The following BARD1 variants were observed in gnomAD, a reference collection of about 807,000 sequenced individuals.
The protein encoded by BARD1 is BRCA1 associated RING domain 1.
BARD1 carries 73 observed loss-of-function variants against 77.0 expected under a neutral mutation model. That is an observed-to-expected ratio of 0.95 (90% CI 0.79 to 1.15). The LOEUF (loss-of-function observed/expected upper bound fraction) is 1.15. BARD1 is among the 50% of genes most tolerant of loss of function. The pLI, the probability that BARD1 is intolerant of heterozygous loss-of-function variation, is 0.00. For missense variants in BARD1, 993 were observed against 938.8 expected, an observed-to-expected ratio of 1.06 and a Z score of -0.75; for synonymous variants, 384 against 338.0, an observed-to-expected ratio of 1.14 and a Z score of -1.49.
At chr2:214,774,373 G>A (rs1694650044) in intron 4 of BARD1, among the ~76,000 whole-genome samples, 1 of 152,176 alleles carries the variant, frequency 6.6e-6, no homozygotes. Flanking sequence ...TAAGTAACAA[G>A]ACTTGAAAGT....
intron 1 of BARD1, among the ~76,000 whole-genome samples, chr2:214,803,348 C>T (rs1200206134): frequency 6.6e-6 from 1 of 152,182 alleles, no homozygotes; most frequent in African/African-American, 2.4e-5. Context: ...GAAGGCAAGC[C>T]TCTTGCAGTT....
At chr2:214,734,558 A>G (rs1357446072) in intron 9 of BARD1, among the ~76,000 whole-genome samples, 2 of 152,116 alleles carry the variant, frequency 1.3e-5, no homozygotes, top group African/African-American at 2.4e-5. Context: ...TATTCATCCA[A>G]TGAGCAAAAT....
At position 214,730,436 on chromosome 2, in the gene BARD1, C is replaced by G. The variant is rs1559373888; in HGVS notation, c.1976G>C (p.Arg659Thr). The change falls in exon 10 of 11, where the codon AGA becomes ACA. Residue 659 changes from arginine to threonine, a missense_variant. Coordinates refer to ENST00000260947, the MANE Select transcript of BARD1 (RefSeq NM_000465.4). ...EKYEIPEGPR[R>T]SRLNREQLLP... ...CAGCTGTTCTCTGTTGAGCCTGCTTCTGCGTGGACCTTCAGGAATTTCATA... is the reference window on the plus strand; with the variant it reads ...CAGCTGTTCTCTGTTGAGCCTGCTTGTGCGTGGACCTTCAGGAATTTCATA... 1 of 1,613,818 alleles carries G rather than the reference C, an allele frequency of 6.2e-7. No individual in the cohort carries two copies.
intron 9 of BARD1, among the ~76,000 whole-genome samples, chr2:214,739,684 A>C (rs1692725363): frequency 6.6e-6 from 1 of 152,160 alleles, no homozygotes; most frequent in African/African-American, 2.4e-5. Flanking sequence ...ATAAAGGCTG[A>C]AAATATAAAA....
intron 1 of BARD1, among the ~76,000 whole-genome samples, chr2:214,808,388 G>T (rs977921820): frequency 6.6e-6 from 1 of 152,234 alleles, no homozygotes; most frequent in African/African-American, 2.4e-5. Flanking sequence ...CAGCCTGGGC[G>T]ACAGAGCGAG....
intron 3 of BARD1, 142 bp downstream of exon 3, chr2:214,792,150 TAAAAA>T (rs536345234): frequency 8.8e-6 from 5 of 569,320 alleles, no homozygotes; most frequent in Non-Finnish European, 1.3e-5. Context: ...AATGGCTATT[TAAAAA>T]AAAAAAAAAA....
intron 1 of BARD1, among the ~76,000 whole-genome samples, chr2:214,803,715 C>T (rs1197053292): frequency 6.6e-6 from 1 of 152,164 alleles, no homozygotes; most frequent in Non-Finnish European, 1.5e-5. Context: ...GCGGGATCCT[C>T]CATATGCTGA....
At chr2:214,806,498 T>G (rs570246964) in intron 1 of BARD1, among the ~76,000 whole-genome samples, 2 of 152,320 alleles carry the variant, frequency 1.3e-5, no homozygotes, top group East Asian at 3.9e-4. Flanking sequence ...AAGGTGCAGC[T>G]GGCCATGCTT....
chr2:214,728,556 TCAAAGAC>T lies in BARD1; in HGVS notation c.*113_*119del. 1 of 900,552 alleles carries T rather than the reference TCAAAGAC, an allele frequency of 1.1e-6. No homozygotes were observed. The highest frequency in any genetic ancestry group is 1.8e-5 in the African/African-American group (1 of 56,996). The allele number at this position is 900,552 out of a possible 1,614,324, so 55.8% of individuals were successfully genotyped here. ...ATTAGACTTTTTTTTTTTTTTTGAT[TCAAAGAC>T]AAATATGAATGACTCTACCTATTTG... is the stretch of plus-strand genomic sequence containing the variant. On this transcript the variant is annotated 3_prime_UTR_variant, in exon 11 of 11. Transcript: ENST00000260947.
chr2:214,745,900 T>G, intron 7 of BARD1, 46 bp from the exon 8 acceptor site: 1 of 1,603,334 alleles, frequency 6.2e-7, no homozygotes, highest in Middle Eastern at 1.7e-4. Flanking sequence ...ATTAGACGAC[T>G]AGACAAAGAC....
At chr2:214,741,146 C>T (rs1200788964) in intron 9 of BARD1, among the ~76,000 whole-genome samples, 1 of 152,116 alleles carries the variant, frequency 6.6e-6, no homozygotes, top group Non-Finnish European at 1.5e-5. Context: ...CCTTCCCCAT[C>T]TCACAGACAT....
At chr2:214,777,554 C>T (rs1363465700) in intron 4 of BARD1, among the ~76,000 whole-genome samples, 2 of 152,190 alleles carry the variant, frequency 1.3e-5, no homozygotes, top group Non-Finnish European at 2.9e-5. Context: ...AACTTTAGGC[C>T]ACTTGAAATC....
chr2:214,746,354 C>A (rs1693115033), intron 7 of BARD1, among the ~76,000 whole-genome samples: 1 of 152,072 alleles, frequency 6.6e-6, no homozygotes, highest in Admixed American at 6.6e-5. Flanking sequence ...CCCCTCAAAA[C>A]TAGGAAAAGA....
In BARD1 at chr2:214,792,371, A is replaced by C. The variant is rs878854009; in HGVS notation, c.290T>G (p.Ile97Arg). ...YTPAWIQDLK[I>R]NRQLDSMIQL... is the part of the protein sequence containing the mutation. ...AATCATGCTGTCCAGTTGTCTATTT[A>C]TCTTCAAGTCTTGTATCCAGGCCGG... is the stretch of plus-strand genomic sequence containing the variant. Residue 97 changes from isoleucine (I) to arginine (R), a missense_variant, in exon 3 of 11, where the codon ATA becomes AGA. Coordinates refer to ENST00000260947, the MANE Select transcript of BARD1 (RefSeq NM_000465.4). 1.2e-6 allele frequency: 2 copies of C among 1,613,094 alleles called. No homozygotes were observed. Among genetic ancestry groups the C allele is most frequent in the Non-Finnish European group, 1.7e-6 (2 of 1,179,692 alleles).
chr2:214,743,045 T>C (rs950207229), intron 9 of BARD1, among the ~76,000 whole-genome samples: 2 of 152,216 alleles, frequency 1.3e-5, no homozygotes, highest in Non-Finnish European at 2.9e-5. Context: ...CAATTACTTA[T>C]ACTTCTCAAA....
intron 1 of BARD1, among the ~76,000 whole-genome samples, chr2:214,801,772 C>A (rs1489595849): frequency 1.5e-5 from 2 of 137,678 alleles, no homozygotes; most frequent in African/African-American, 5.3e-5. Context: ...AAAAGATGTA[C>A]AAAATGCTCT....
At chr2:214,750,117 C>G (rs1693336327) in intron 7 of BARD1, among the ~76,000 whole-genome samples, 2 of 152,086 alleles carry the variant, frequency 1.3e-5, no homozygotes, top group Non-Finnish European at 2.9e-5. Context: ...CTGTTACTTT[C>G]CCCCATCTGA....
chr2:214,736,162 T>C (rs1692557724), intron 9 of BARD1, among the ~76,000 whole-genome samples: 1 of 152,092 alleles, frequency 6.6e-6, no homozygotes, highest in African/African-American at 2.4e-5. Flanking sequence ...AAAACCTTTC[T>C]AATAAAGGTA....
intron 6 of BARD1, 101 bp downstream of exon 6, chr2:214,767,381 G>C: frequency 8.6e-7 from 1 of 1,159,958 alleles, no homozygotes. Flanking sequence ...TGAAAGTGAA[G>C]AAAGCCATCA....
Sources: gnomAD v4.1 joint callset for allele counts (sites outside exome capture counted in the v4.1 genomes callset) on GRCh38, gnomAD v4.1.1 for gene constraint, MANE v1.5 for transcripts, NCBI Gene and HGNC (gene_info 2026-07-23, HGNC 2026-07-21) for gene names.